NEDD4: variants seen among roughly 807,000 people sequenced by gnomAD.
NEDD4 encodes E3 ubiquitin-protein ligase NEDD4.
In NEDD4, 99 loss-of-function variants were observed where a neutral mutation model predicts 144.9. The observed-to-expected ratio is 0.68, with a 90% CI of 0.58 to 0.81. The LOEUF (loss-of-function observed/expected upper bound fraction) is 0.81, where lower values mean the gene tolerates loss of function less well. Among genes scored for constraint, NEDD4 ranks in the 30% least tolerant of loss-of-function variants. The probability of loss-of-function intolerance (pLI) is 0.00; values close to 1 mark genes in which losing one functional copy is unlikely to be tolerated. For missense variants in NEDD4, 985 were observed against 1,065.9 expected, an observed-to-expected ratio of 0.92 and a Z score of 1.06; for synonymous variants, 318 against 350.6, an observed-to-expected ratio of 0.91 and a Z score of 1.04.
intron 12 of NEDD4, among the ~76,000 whole-genome samples, chr15:55,854,515 C>T (rs1165522949): frequency 6.6e-6 from 1 of 152,100 alleles, no homozygotes; most frequent in Non-Finnish European, 1.5e-5. Context: ...AAAGGTCAGA[C>T]ACGTAAGCCC....
intron 4 of NEDD4, among the ~76,000 whole-genome samples, chr15:55,948,980 T>G (rs1428529915): frequency 1.3e-5 from 2 of 152,190 alleles, no homozygotes; most frequent in Non-Finnish European, 2.9e-5. Context: ...AAAGAGCTTC[T>G]GCACAACAAA....
chr15:55,841,955 C>G lies in NEDD4; in HGVS notation c.1817G>C (p.Gly606Ala), dbSNP rs777559208. ...TTACGTAGCAGAATATTCAAACAAC[C>G]CATAATAAGGGTTAAACATTTCCTT... The part of the protein sequence containing the change: ...ISKEMFNPYY[G>A]LFEYSATDNY... Residue 606 changes from glycine (G) to alanine (A), a missense_variant, in exon 19 of 29, where the codon GGG becomes GCG. Physicochemically the swap from Gly to Ala is moderately conservative, Grantham distance 60. Coordinates refer to ENST00000435532, the MANE Select transcript of NEDD4 (RefSeq NM_006154.4). The G allele has an allele frequency of 6.2e-7, 1 of 1,613,536 alleles. No individual in the cohort carries two copies. The highest frequency in any genetic ancestry group is 1.1e-5 in the South Asian group (1 of 91,064).
At chr15:55,985,923 T>C (rs1489858775) in intron 1 of NEDD4, among the ~76,000 whole-genome samples, 1 of 152,156 alleles carries the variant, frequency 6.6e-6, no homozygotes. Context: ...TGATTGTAGA[T>C]AGCTGAGCCA....
At chr15:55,839,336 T>G (rs779192589) in intron 21 of NEDD4, among the ~76,000 whole-genome samples, 3 of 152,096 alleles carry the variant, frequency 2.0e-5, no homozygotes, top group Non-Finnish European at 2.9e-5. Flanking sequence ...GCACTAAGTG[T>G]GAAATGTTTA....
chr15:55,878,798 T>C (rs568553665), intron 5 of NEDD4, among the ~76,000 whole-genome samples: 1 of 152,298 alleles, frequency 6.6e-6, no homozygotes, highest in African/African-American at 2.4e-5. Context: ...TATATAAATC[T>C]CAAAGAAAAG....
At chr15:55,962,385 G>T (rs1226455126) in intron 2 of NEDD4, among the ~76,000 whole-genome samples, 1 of 152,098 alleles carries the variant, frequency 6.6e-6, no homozygotes, top group Non-Finnish European at 1.5e-5. Flanking sequence ...TTATTGATAT[G>T]ATTGGATTTA....
intron 5 of NEDD4, among the ~76,000 whole-genome samples, chr15:55,886,681 C>T (rs1185827107): frequency 6.6e-6 from 1 of 151,516 alleles, no homozygotes; most frequent in Non-Finnish European, 1.5e-5. Flanking sequence ...CTGCTTGAAC[C>T]CAGGAGACAG....
chr15:55,908,133 C>A (rs1270530744), intron 5 of NEDD4, among the ~76,000 whole-genome samples: 1 of 152,224 alleles, frequency 6.6e-6, no homozygotes, highest in African/African-American at 2.4e-5. Context: ...CCTCACCTAT[C>A]AGGATTCTGC....
At chr15:55,983,541 T>A (rs1725965895) in intron 1 of NEDD4, among the ~76,000 whole-genome samples, 1 of 152,142 alleles carries the variant, frequency 6.6e-6, no homozygotes. Context: ...CTCCTATTCA[T>A]CCTTAGTTTC....
At chr15:55,924,051 A>T (rs1276348758) in intron 5 of NEDD4, among the ~76,000 whole-genome samples, 2 of 152,202 alleles carry the variant, frequency 1.3e-5, no homozygotes, top group Non-Finnish European at 2.9e-5. Context: ...GGACTTTAAG[A>T]GAGTCTTTAG....
At chr15:55,869,035 A>T (rs998374961) in intron 8 of NEDD4, among the ~76,000 whole-genome samples, 1 of 152,152 alleles carries the variant, frequency 6.6e-6, no homozygotes, top group South Asian at 2.1e-4. Flanking sequence ...CTCCAGATGC[A>T]TGTAACTCTA....
At chr15:55,892,308 ATAAATAAATAAATAAT>A (rs2035595694) in intron 5 of NEDD4, among the ~76,000 whole-genome samples, 1 of 87,636 alleles carries the variant, frequency 1.1e-5, no homozygotes, top group Admixed American at 1.2e-4. Flanking sequence ...AAATAAATAA[ATAAATAAATAAATAAT>A]AAATATGAAT....
intron 4 of NEDD4, among the ~76,000 whole-genome samples, chr15:55,951,103 A>G (rs748261860): frequency 6.6e-6 from 1 of 152,216 alleles, no homozygotes; most frequent in Admixed American, 6.5e-5. Flanking sequence ...CATCATCTTT[A>G]TGAGAAAACA....
At chr15:55,978,358 A>G (rs1478165385) in intron 1 of NEDD4, among the ~76,000 whole-genome samples, 1 of 152,222 alleles carries the variant, frequency 6.6e-6, no homozygotes, top group Non-Finnish European at 1.5e-5. Flanking sequence ...ATTAAGTGCC[A>G]TTTATTTTAA....
At chr15:55,854,959 C>T (rs369913873) in intron 12 of NEDD4, among the ~76,000 whole-genome samples, 3 of 152,142 alleles carry the variant, frequency 2.0e-5, no homozygotes, top group Admixed American at 6.5e-5. Flanking sequence ...GACATTATAA[C>T]GTGCAGAGGG....
rs951349125 is a variant in NEDD4, at chr15:55,860,386, C to G, written c.960+21G>C. 6 of 1,611,506 alleles carry G rather than the reference C, an allele frequency of 3.7e-6. 1 individual carries two copies. The South Asian group carries it at 6.6e-5, about 18-fold the overall frequency. ...ATAATATAAACTACTGAAGCCGTAA[C>G]AAAATCTAAGAGCATCTTACTGAGC... On this transcript the variant is annotated intron_variant, in intron 11 of 28. Transcript: ENST00000435532.
chr15:55,872,036 T>C (rs2034817947), intron 7 of NEDD4, among the ~76,000 whole-genome samples: 1 of 152,138 alleles, frequency 6.6e-6, no homozygotes, highest in South Asian at 2.1e-4. Context: ...ATGCAAAATA[T>C]AGTTAGGTTT....
chr15:55,979,339 C>CTTTTT (rs71110358), intron 1 of NEDD4, among the ~76,000 whole-genome samples: 11 of 66,062 alleles, frequency 1.7e-4, no homozygotes, highest in East Asian at 5.1e-4. Flanking sequence ...GTTTTTACCT[C>CTTTTT]TTTTTTTTTT....
At chr15:55,955,673 A>G (rs1274823156) in intron 2 of NEDD4, among the ~76,000 whole-genome samples, 4 of 152,018 alleles carry the variant, frequency 2.6e-5, no homozygotes, top group African/African-American at 9.7e-5. Context: ...CACTGTATGT[A>G]TATACATTTC....
Sources: allele counts gnomAD v4.1 joint callset (sites outside exome capture counted in the v4.1 genomes callset), GRCh38; gene constraint gnomAD v4.1.1; transcripts MANE v1.5; gene names NCBI Gene and HGNC (gene_info 2026-07-23, HGNC 2026-07-21).